MAPK4: variants seen among roughly 807,000 people sequenced by gnomAD.
The protein encoded by MAPK4 is mitogen-activated protein kinase 4, also known as Erk3-related.
In MAPK4, 22 loss-of-function variants were observed where a neutral mutation model predicts 47.7. The observed-to-expected ratio is 0.46, with a 90% CI of 0.33 to 0.66. The LOEUF (loss-of-function observed/expected upper bound fraction) is 0.66. Ranked by LOEUF, MAPK4 falls within the 30% of genes least tolerant of loss-of-function variation. The pLI is 0.02. For synonymous variants in MAPK4, 390 were observed against 365.7 expected, an observed-to-expected ratio of 1.07 and a Z score of -0.76; for missense variants, 736 against 831.7, an observed-to-expected ratio of 0.88 and a Z score of 1.42.
At chr18:50,594,504 G>A (rs999265204) in intron 1 of MAPK4, among the ~76,000 whole-genome samples, 5 of 152,094 alleles carry the variant, frequency 3.3e-5, no homozygotes, top group Non-Finnish European at 7.4e-5. Flanking sequence ...CGACAGGAAA[G>A]GCCTTTATCA....
chr18:50,639,249 T>C (rs2042917746), intron 1 of MAPK4, among the ~76,000 whole-genome samples: 2 of 151,984 alleles, frequency 1.3e-5, no homozygotes, highest in Non-Finnish European at 1.5e-5. Flanking sequence ...GAAATGGGAG[T>C]GAACCAAGAA....
At chr18:50,706,470 T>C (rs1226396190) in intron 2 of MAPK4, among the ~76,000 whole-genome samples, 2 of 151,714 alleles carry the variant, frequency 1.3e-5, no homozygotes, top group Non-Finnish European at 2.9e-5. Flanking sequence ...TTTTTTTTTT[T>C]TTAAGTTCCC....
At chr18:50,575,865 T>A (rs2042292205) in intron 1 of MAPK4, among the ~76,000 whole-genome samples, 1 of 132,902 alleles carries the variant, frequency 7.5e-6, no homozygotes. Context: ...AAAGAAGACA[T>A]ACATGTGGCA....
At chr18:50,603,885 A>G (rs1387460506) in intron 1 of MAPK4, among the ~76,000 whole-genome samples, 1 of 152,226 alleles carries the variant, frequency 6.6e-6, no homozygotes, top group Non-Finnish European at 1.5e-5. Flanking sequence ...AAGACCATGC[A>G]CTAATGTTCA....
At chr18:50,607,942 C>T (rs1209418890) in intron 1 of MAPK4, among the ~76,000 whole-genome samples, 1 of 152,176 alleles carries the variant, frequency 6.6e-6, no homozygotes, top group Non-Finnish European at 1.5e-5. Flanking sequence ...TTATAATTTG[C>T]AAGAGCTACC....
chr18:50,726,507 C>T (rs1050738413), intron 5 of MAPK4, among the ~76,000 whole-genome samples: 5 of 152,060 alleles, frequency 3.3e-5, no homozygotes, highest in African/African-American at 4.8e-5. Context: ...GGGAACTTGC[C>T]CTTGAAAAGT....
chr18:50,630,745 C>G (rs16952240), intron 1 of MAPK4, among the ~76,000 whole-genome samples: 3 of 152,170 alleles, frequency 2.0e-5, no homozygotes, highest in African/African-American at 4.8e-5. Context: ...CACAGCCCTC[C>G]GCAGTCTGAC....
chr18:50,691,260 C>T (rs904878783), intron 2 of MAPK4, among the ~76,000 whole-genome samples: 1 of 152,074 alleles, frequency 6.6e-6, no homozygotes, highest in Non-Finnish European at 1.5e-5. Context: ...TCCCAGAGTG[C>T]TGGGATTACA....
chr18:50,618,673 G>A (rs1166987651), intron 1 of MAPK4, among the ~76,000 whole-genome samples: 1 of 152,106 alleles, frequency 6.6e-6, no homozygotes, highest in Non-Finnish European at 1.5e-5. Flanking sequence ...AATGTATGAA[G>A]GTAATGTTTA....
At chr18:50,574,611 A>G (rs2042278813) in intron 1 of MAPK4, among the ~76,000 whole-genome samples, 1 of 152,200 alleles carries the variant, frequency 6.6e-6, no homozygotes, top group Non-Finnish European at 1.5e-5. Context: ...TGAATGGTCA[A>G]TGCTGGCAAA....
chr18:50,566,855 G>A (rs994098947), intron 1 of MAPK4, among the ~76,000 whole-genome samples: 4 of 152,040 alleles, frequency 2.6e-5, no homozygotes, highest in African/African-American at 4.8e-5. Flanking sequence ...AAATCCTACC[G>A]GTGATCCTGT....
intron 1 of MAPK4, among the ~76,000 whole-genome samples, chr18:50,623,092 C>T (rs7235450): frequency 0.81 from 123,961 of 152,214 alleles, 50,655 homozygotes; most frequent in East Asian, 0.98. Context: ...TTCCAGGAGT[C>T]GAAGTAGCTC....
chr18:50,596,675 A>T (rs890606248), intron 1 of MAPK4, among the ~76,000 whole-genome samples: 4 of 152,206 alleles, frequency 2.6e-5, no homozygotes, highest in African/African-American at 9.6e-5. Flanking sequence ...ACCAAAATCA[A>T]CATCAGTGGT....
chr18:50,671,994 G>A (rs1453453628), intron 2 of MAPK4, among the ~76,000 whole-genome samples: 1 of 151,820 alleles, frequency 6.6e-6, no homozygotes, highest in Admixed American at 6.6e-5. Flanking sequence ...CACACAGAAA[G>A]CTCTCCTAAA....
At chr18:50,657,498 C>A (rs4940000) in intron 1 of MAPK4, among the ~76,000 whole-genome samples, 134,072 of 152,120 alleles carry the variant, frequency 0.88, 59,179 homozygotes, top group East Asian at 0.98. Context: ...GCTTGGAAGC[C>A]GATCTTCCTC....
chr18:50,702,911 C>T (rs16952431), intron 2 of MAPK4, among the ~76,000 whole-genome samples: 2,344 of 152,326 alleles, frequency 0.015, 59 homozygotes, highest in African/African-American at 0.051. Flanking sequence ...CTGTAATTCT[C>T]TCGAACAGGT....
chr18:50,643,500 G>GTAATGGAAT (rs1392943105), intron 1 of MAPK4, among the ~76,000 whole-genome samples: 1 of 152,274 alleles, frequency 6.6e-6, no homozygotes, highest in East Asian at 1.9e-4. Flanking sequence ...TCCAGCTTGT[G>GTAATGGAAT]TAATGGAATG....
intron 1 of MAPK4, among the ~76,000 whole-genome samples, chr18:50,579,137 G>A (rs2042322180): frequency 6.6e-6 from 1 of 152,150 alleles, no homozygotes; most frequent in South Asian, 2.1e-4. Flanking sequence ...AAGCAGGAGA[G>A]GATGGTGATC....
chr18:50,704,445 C>T (rs895958900), intron 2 of MAPK4: 25 of 397,364 alleles, frequency 6.3e-5, no homozygotes, highest in Admixed American at 4.4e-4. Flanking sequence ...CAAGCCACTG[C>T]ACTTTAGCCT....
Sources: allele counts gnomAD v4.1 joint callset (sites outside exome capture counted in the v4.1 genomes callset), GRCh38; gene constraint gnomAD v4.1.1; transcripts MANE v1.5; gene names NCBI Gene and HGNC (gene_info 2026-07-23, HGNC 2026-07-21).